CCDC171: variants seen among roughly 807,000 people sequenced by gnomAD.
CCDC171 encodes coiled-coil domain-containing protein 171.
A neutral mutation model predicts 168.2 loss-of-function variants in CCDC171; 177 were observed. The ratio of observed to expected loss-of-function variants is 1.05; its 90% CI spans 0.93 to 1.19. The LOEUF (loss-of-function observed/expected upper bound fraction) is 1.19, where lower values mean the gene tolerates loss of function less well. Among genes scored for constraint, CCDC171 ranks in the 50% most tolerant of loss-of-function variants. CCDC171 has a pLI of 0.00. For synonymous variants in CCDC171, 687 were observed against 540.8 expected (o/e 1.27, Z -3.75); for missense variants, 1,991 against 1,539.0 (o/e 1.29, Z -4.91).
At chr9:15,892,336 G>A (rs1298367757) in intron 24 of CCDC171, among the ~76,000 whole-genome samples, 2 of 152,074 alleles carry the variant, frequency 1.3e-5, no homozygotes, top group African/African-American at 4.8e-5. Flanking sequence ...TTGGCTGTGG[G>A]TTTGTTACAT....
intron 16 of CCDC171, among the ~76,000 whole-genome samples, chr9:15,730,980 G>A (rs535189373): frequency 6.6e-6 from 1 of 151,976 alleles, no homozygotes; most frequent in South Asian, 2.1e-4. Context: ...TGGGGTACAT[G>A]TGATATTTTG....
intron 11 of CCDC171, among the ~76,000 whole-genome samples, chr9:15,710,212 CAGTT>C (rs2052556508): frequency 6.6e-6 from 1 of 152,068 alleles, no homozygotes; most frequent in African/African-American, 2.4e-5. Context: ...CATATAATAT[CAGTT>C]AGTTTAAATT....
At chr9:15,583,851 A>C (rs2041337490) in intron 4 of CCDC171, among the ~76,000 whole-genome samples, 1 of 152,098 alleles carries the variant, frequency 6.6e-6, no homozygotes, top group Non-Finnish European at 1.5e-5. Context: ...GGGGCTAAAG[A>C]AATGTTAAGA....
At chr9:15,733,731 G>A (rs1042008507) in intron 16 of CCDC171, among the ~76,000 whole-genome samples, 1 of 42,904 alleles carries the variant, frequency 2.3e-5, no homozygotes, top group African/African-American at 8.1e-5. Context: ...TTTCATCAAT[G>A]TCCTGAACTC....
intron 21 of CCDC171, among the ~76,000 whole-genome samples, chr9:15,799,087 T>C (rs2058692512): frequency 6.8e-6 from 1 of 147,072 alleles, no homozygotes; most frequent in Admixed American, 7.0e-5. Flanking sequence ...GAAAATTAGA[T>C]TTTAAAGAAA....
At position 15,859,603 on chromosome 9, in the gene CCDC171, C is replaced by A. The variant is rs1372615040; in HGVS notation, c.3468+10656C>A. 5.4e-5 allele frequency among the ~76,000 whole-genome samples: 8 copies of A among 148,766 alleles called. 1 individual carries two copies. The highest frequency in any genetic ancestry group is 2.0e-4 in the African/African-American group (8 of 40,404). On this transcript the variant is annotated intron_variant, in intron 23 of 25. Coordinates refer to ENST00000380701, the MANE Select transcript of CCDC171 (RefSeq NM_173550.4). ...TTTCCCTCCCTCCCTTCCTCTCTTT[C>A]TGCCTTTCCCCCTCTGCCCCCACCC...
At chr9:15,829,343 G>C (rs1317456402) in intron 21 of CCDC171, among the ~76,000 whole-genome samples, 5 of 152,144 alleles carry the variant, frequency 3.3e-5, no homozygotes. Flanking sequence ...GATAACTTGA[G>C]GGAAGATGAT....
the CCDC171 span, among the ~76,000 whole-genome samples, chr9:16,091,231 A>G: frequency 1.3e-5 from 2 of 152,228 alleles, no homozygotes; most frequent in African/African-American, 4.8e-5. Flanking sequence ...TCAAATACAG[A>G]TAGTGCACAG....
At chr9:16,052,443 T>A (rs1316653255) in intron 1 of CCDC171, among the ~76,000 whole-genome samples, 3 of 152,208 alleles carry the variant, frequency 2.0e-5, no homozygotes, top group Non-Finnish European at 4.4e-5. Context: ...GGGTTACACA[T>A]GTGCGGCCTC....
chr9:16,053,674 C>T (rs547937749), intron 1 of CCDC171, among the ~76,000 whole-genome samples: 1 of 152,328 alleles, frequency 6.6e-6, no homozygotes, highest in Admixed American at 6.5e-5. Flanking sequence ...TGCTATTTGC[C>T]ACGAAGGCTG....
At chr9:16,052,504 A>C (rs1234465959) in intron 1 of CCDC171, among the ~76,000 whole-genome samples, 1 of 152,126 alleles carries the variant, frequency 6.6e-6, no homozygotes, top group East Asian at 1.9e-4. Context: ...TTCACACTGG[A>C]AATGAGGAAA....
At chr9:15,744,804 A>G (rs564809649) in intron 17 of CCDC171, 27 bp downstream of exon 17, 8 of 1,595,400 alleles carry the variant, frequency 5.0e-6, no homozygotes, top group African/African-American at 2.7e-5. Context: ...TTTTAAAAAT[A>G]TAAGTTGCAT....
Position 15,796,571 on chromosome 9 carries a change from C to T in CCDC171, c.3267+11877C>T, listed in dbSNP as rs2058566626. On this transcript the variant is annotated intron_variant, in intron 21 of 25. Transcript: ENST00000380701. ...TAATGTACACTTAAAATATATATAG[C>T]TCAGTGCCTTTTGACAAATGTATAC... Among the ~76,000 whole-genome samples the T allele has an allele frequency of 2.0e-5, 3 of 152,144 alleles. No individual in the cohort carries two copies. The South Asian group carries it at 6.2e-4, about 31-fold the overall frequency.
At chr9:15,640,937 A>G (rs1438203655) in intron 7 of CCDC171, among the ~76,000 whole-genome samples, 1 of 152,128 alleles carries the variant, frequency 6.6e-6, no homozygotes, top group Non-Finnish European at 1.5e-5. Context: ...CTGCCCAGGT[A>G]AAGAATAAGT....
chr9:15,850,355 A>G (rs562401421), intron 23 of CCDC171: 4 of 152,058 alleles, frequency 2.6e-5, no homozygotes, highest in African/African-American at 9.6e-5. Context: ...ATGGCAAAAT[A>G]TATCGTTTAA....
At chr9:16,084,986 A>G in the CCDC171 span, among the ~76,000 whole-genome samples, 1 of 152,190 alleles carries the variant, frequency 6.6e-6, no homozygotes, top group Non-Finnish European at 1.5e-5. Flanking sequence ...ATAACACCTA[A>G]AAATTATGTG....
chr9:15,949,307 C>G (rs1474061213), intron 25 of CCDC171, among the ~76,000 whole-genome samples: 1 of 151,896 alleles, frequency 6.6e-6, no homozygotes, highest in Non-Finnish European at 1.5e-5. Context: ...GCGATTCGGG[C>G]TTTTTTTGGT....
At chr9:15,630,838 A>T (rs1295473668) in intron 7 of CCDC171, among the ~76,000 whole-genome samples, 1 of 152,234 alleles carries the variant, frequency 6.6e-6, no homozygotes, top group East Asian at 1.9e-4. Flanking sequence ...ACCACAGTGC[A>T]ATCAAACTAG....
intron 11 of CCDC171, among the ~76,000 whole-genome samples, chr9:15,698,220 T>C (rs1484984505): frequency 6.6e-6 from 1 of 152,096 alleles, no homozygotes; most frequent in Non-Finnish European, 1.5e-5. Context: ...TTAGCTCTCA[T>C]GTGTGAGTAA....
Sources: gnomAD v4.1 joint callset for allele counts (sites outside exome capture counted in the v4.1 genomes callset) on GRCh38, gnomAD v4.1.1 for gene constraint, MANE v1.5 for transcripts, NCBI Gene and HGNC (gene_info 2026-07-23, HGNC 2026-07-21) for gene names.